Variants in CELF4 observed in about 807,000 individuals in gnomAD.
The protein encoded by CELF4 is CUG-BP- and ETR-3-like factor 4.
Under a neutral mutation model 59.9 loss-of-function variants are expected in CELF4, and 18 were observed. That is an observed-to-expected ratio of 0.30 (90% CI 0.21 to 0.45). The LOEUF is 0.45. Among genes scored for constraint, CELF4 ranks in the 20% least tolerant of loss-of-function variants. The pLI, the probability that CELF4 is intolerant of heterozygous loss-of-function variation, is 1.00. For missense variants in CELF4, 456 were observed against 689.0 expected (o/e 0.66, Z 3.79); for synonymous variants, 261 against 267.1 (o/e 0.98, Z 0.22).
At chr18:37,264,346 C>A (rs1468051177) in intron 10 of CELF4, among the ~76,000 whole-genome samples, 1 of 152,252 alleles carries the variant, frequency 6.6e-6, no homozygotes, top group East Asian at 1.9e-4. Context: ...GATATGTGAG[C>A]TCTGTGTCAG....
chr18:37,543,208 C>T (rs542652643), intron 1 of CELF4, among the ~76,000 whole-genome samples: 23 of 152,274 alleles, frequency 1.5e-4, no homozygotes, highest in Middle Eastern at 3.4e-3. Flanking sequence ...AAGCGTTCTT[C>T]GAGGTGACCC....
intron 2 of CELF4, among the ~76,000 whole-genome samples, chr18:37,327,171 C>G (rs932039159): frequency 6.6e-6 from 1 of 152,234 alleles, no homozygotes; most frequent in East Asian, 1.9e-4. Context: ...CCAACCTCGC[C>G]GCTTCCCCTG....
intron 2 of CELF4, among the ~76,000 whole-genome samples, chr18:37,332,467 G>A (rs760288248): frequency 1.3e-5 from 2 of 152,114 alleles, no homozygotes; most frequent in East Asian, 1.9e-4. Context: ...GTGGGCTGGC[G>A]GGGGCTGCCT....
Position 37,254,015 on chromosome 18 carries a change from G to C in CELF4, c.1334-77C>G, listed in dbSNP as rs2067316046. ...CGCTGCCGGCGGGGAGGGGTCGGGG[G>C]ACAGGGGGGCGGGGCGGGCCTGAGG... is the stretch of plus-strand genomic sequence containing the variant. On this transcript the variant is annotated intron_variant, in intron 11 of 12. Transcript: ENST00000420428. This position sits in a 1 kb window ranked among gnomAD's most constrained non-coding sequence, Gnocchi z 5.1. The C allele has an allele frequency of 6.0e-6, 2 of 330,746 alleles. No individual in the cohort carries two copies. Among genetic ancestry groups the C allele is most frequent in the Non-Finnish European group, 1.2e-5 (2 of 171,684 alleles). The allele number at this position is 330,746 out of a possible 1,614,324, so 20.5% of individuals were successfully genotyped here.
At chr18:37,389,768 A>G (rs1223130086) in intron 2 of CELF4, among the ~76,000 whole-genome samples, 1 of 152,194 alleles carries the variant, frequency 6.6e-6, no homozygotes, top group Non-Finnish European at 1.5e-5. Context: ...ATTTATAGAC[A>G]CAGCCTCCAG....
intron 2 of CELF4, among the ~76,000 whole-genome samples, chr18:37,367,383 T>C (rs2098798410): frequency 6.6e-6 from 1 of 151,886 alleles, no homozygotes; most frequent in African/African-American, 2.4e-5. Flanking sequence ...CCAGGAGCTG[T>C]GGGCTCCTGA....
At chr18:37,290,283 C>T (rs2095245747) in intron 3 of CELF4, among the ~76,000 whole-genome samples, 1 of 152,178 alleles carries the variant, frequency 6.6e-6, no homozygotes, top group African/African-American at 2.4e-5. Flanking sequence ...TGTCTGCTGG[C>T]TGCATCAGAA....
At chr18:37,510,535 T>C (rs1214118875) in intron 1 of CELF4, among the ~76,000 whole-genome samples, 1 of 152,238 alleles carries the variant, frequency 6.6e-6, no homozygotes, top group Admixed American at 6.5e-5. Flanking sequence ...GTCTCTGCTC[T>C]CTACCTCACC....
At chr18:37,484,342 T>C (rs1470617712) in intron 2 of CELF4, among the ~76,000 whole-genome samples, 2 of 152,140 alleles carry the variant, frequency 1.3e-5, no homozygotes, top group Non-Finnish European at 2.9e-5. Context: ...CAGAAAGTAA[T>C]TACTATAATA....
chr18:37,483,936 AACC>A (rs2099875735), intron 2 of CELF4, among the ~76,000 whole-genome samples: 1 of 152,214 alleles, frequency 6.6e-6, no homozygotes, highest in South Asian at 2.1e-4. Flanking sequence ...TAAAATAAAC[AACC>A]ACAAGTTAAT....
chr18:37,260,385 A>G (rs1206437744), intron 10 of CELF4, among the ~76,000 whole-genome samples: 1 of 152,244 alleles, frequency 6.6e-6, no homozygotes. Context: ...CATATGCCAC[A>G]TATAATTTCA....
chr18:37,513,508 A>G (rs187972130), intron 1 of CELF4, among the ~76,000 whole-genome samples: 18 of 152,344 alleles, frequency 1.2e-4, no homozygotes, highest in Non-Finnish European at 1.2e-4. Flanking sequence ...AGAGAAAGGC[A>G]TGGAGAGCTA....
At chr18:37,536,066 T>A (rs1285866456) in intron 1 of CELF4, among the ~76,000 whole-genome samples, 1 of 152,168 alleles carries the variant, frequency 6.6e-6, no homozygotes, top group African/African-American at 2.4e-5. Flanking sequence ...CTGGGTGTCA[T>A]CAATGCTCCT....
rs608370 is a variant in CELF4 at position 37,314,432 on chromosome 18, G to T, written c.448+7371C>A. The stretch of plus-strand genomic sequence containing the variant: ...ATAGCACCACTGCGCTCCAGCCTGG[G>T]TGACAGAGTGAGACTGTCTCAAAAG... On this transcript the variant is annotated intron_variant, in intron 3 of 12. Transcript: ENST00000420428. Among the ~76,000 whole-genome samples, 851 of 152,240 alleles carry T rather than the reference G, an allele frequency of 5.6e-3. 7 individuals are homozygous for T. Among genetic ancestry groups the T allele is most frequent in the African/African-American group, 0.019 (786 of 41,532 alleles).
rs140525001 is a variant in CELF4 at position 37,273,086 on chromosome 18, G to A, written c.879C>T (p.Ala293=). Residue 293 remains alanine, a synonymous_variant, in exon 7 of 13, where the codon GCC becomes GCT. Transcript: ENST00000420428. ...GGGCCGCCATCTGCTGCATCTGGGC[G>A]GCAGCGAAGGCAGCCATGGGGTTCA... ...GYLNPMAAFA[A]AQMQQMAALN... is the part of the protein sequence containing the mutation. The A allele has an allele frequency of 1.3e-4, 208 of 1,613,136 alleles. No individual in the cohort carries two copies. The African/African-American group carries it at 1.9e-3, about 14-fold the overall frequency.
intron 8 of CELF4, among the ~76,000 whole-genome samples, chr18:37,268,612 A>G (rs1026412600): frequency 1.3e-5 from 2 of 152,222 alleles, no homozygotes; most frequent in African/African-American, 4.8e-5. Flanking sequence ...TAATGTTTGC[A>G]AGAGCCACCC....
intron 3 of CELF4, among the ~76,000 whole-genome samples, chr18:37,299,830 A>G (rs57552084): frequency 5.3e-5 from 8 of 151,860 alleles, no homozygotes; most frequent in African/African-American, 1.9e-4. Flanking sequence ...TTCCCCCTCC[A>G]GGGTCCAGCC....
At chr18:37,427,371 C>T (rs555256664) in intron 2 of CELF4, among the ~76,000 whole-genome samples, 62 of 152,306 alleles carry the variant, frequency 4.1e-4, no homozygotes, top group Admixed American at 2.1e-3. Flanking sequence ...AAACACCCAA[C>T]TCGCCAAACC....
At chr18:37,418,166 T>C (rs925792449) in intron 2 of CELF4, among the ~76,000 whole-genome samples, 10 of 152,186 alleles carry the variant, frequency 6.6e-5, no homozygotes, top group Admixed American at 6.5e-4. Context: ...TCCACATGGT[T>C]GGGGAAGGTG....
Sources: allele counts gnomAD v4.1 joint callset (sites outside exome capture counted in the v4.1 genomes callset), GRCh38; gene constraint gnomAD v4.1.1; non-coding constraint Gnocchi (gnomAD v3.1); transcripts MANE v1.5; gene names NCBI Gene and HGNC (gene_info 2026-07-23, HGNC 2026-07-21).